The following AHI1 variants were observed in gnomAD, a reference collection of about 807,000 sequenced individuals.
The protein encoded by AHI1 is jouberin.
AHI1 carries 123 observed loss-of-function variants against 149.3 expected under a neutral mutation model. The observed-to-expected ratio is 0.82, with a 90% CI of 0.71 to 0.96. The LOEUF (loss-of-function observed/expected upper bound fraction) is 0.96. Among genes scored for constraint, AHI1 ranks in the 40% least tolerant of loss-of-function variants. The pLI, the probability that AHI1 is intolerant of heterozygous loss-of-function variation, is 0.00. For synonymous variants in AHI1, 475 were observed against 459.8 expected (o/e 1.03, Z -0.42); for missense variants, 1,439 against 1,422.7 (o/e 1.01, Z -0.18).
Position 135,447,027 on chromosome 6 carries a change from C to T in AHI1, c.1760G>A (p.Trp587Ter). 1 of 1,610,182 alleles carries T rather than the reference C, an allele frequency of 6.2e-7. No homozygotes were observed. The highest frequency in any genetic ancestry group is 8.5e-7 in the Non-Finnish European group (1 of 1,178,354). Residue 587 changes from tryptophan to a stop codon, truncating the protein, a stop_gained, in exon 13 of 29, where the codon TGG (tryptophan) becomes TAG (stop). Coordinates refer to ENST00000265602, the MANE Select transcript of AHI1 (RefSeq NM_001134831.2). LOFTEE classifies it high-confidence loss of function. ...CTTCACCTGCCCAGGGAGTCGTTTC[C>T]ACTTTATTACTTCCTTTGACTCTTC... ...GLEESKEVIK[W>*]KRLPGQACRI... is the part of the protein sequence containing the mutation.
chr6:135,394,927 G>A, intron 22 of AHI1, 31 bp from the exon 23 acceptor site: 1 of 1,571,716 alleles, frequency 6.4e-7, no homozygotes, highest in Non-Finnish European at 8.6e-7. Flanking sequence ...AGAAACTACA[G>A]TGTAATTTCC....
At chr6:135,352,563 G>T (rs1045368094) in intron 24 of AHI1, among the ~76,000 whole-genome samples, 1 of 151,820 alleles carries the variant, frequency 6.6e-6, no homozygotes, top group Non-Finnish European at 1.5e-5. Flanking sequence ...CCTATATTTG[G>T]GCACAAACTG....
At chr6:135,420,738 A>G (rs563741135) in intron 20 of AHI1, among the ~76,000 whole-genome samples, 4 of 152,262 alleles carry the variant, frequency 2.6e-5, no homozygotes, top group African/African-American at 9.6e-5. Flanking sequence ...TTCATCTTTT[A>G]TCCAGATCAC....
At chr6:135,406,325 A>T (rs1780791867) in intron 21 of AHI1, among the ~76,000 whole-genome samples, 2 of 152,224 alleles carry the variant, frequency 1.3e-5, no homozygotes, top group African/African-American at 4.8e-5. Context: ...TCTAAAGCGT[A>T]TCAGTAATTC....
chr6:135,337,596 C>T (rs916057330), intron 24 of AHI1, among the ~76,000 whole-genome samples: 2 of 151,400 alleles, frequency 1.3e-5, no homozygotes, highest in Non-Finnish European at 2.9e-5. Flanking sequence ...CCTATCTCTA[C>T]AAAAAAATTA....
chr6:135,402,299 C>A (rs189980539), intron 22 of AHI1, among the ~76,000 whole-genome samples: 2 of 152,076 alleles, frequency 1.3e-5, no homozygotes, highest in Admixed American at 1.3e-4. Flanking sequence ...CCATATTACC[C>A]AACAGTTCCA....
chr6:135,309,167 A>C (rs1314131266), intron 26 of AHI1, among the ~76,000 whole-genome samples: 2 of 152,114 alleles, frequency 1.3e-5, no homozygotes, highest in African/African-American at 4.8e-5. Context: ...TAATTTCTTG[A>C]GGCTTTGAGA....
intron 25 of AHI1, among the ~76,000 whole-genome samples, chr6:135,322,444 C>T (rs1275992941): frequency 1.3e-5 from 2 of 151,778 alleles, no homozygotes; most frequent in Non-Finnish European, 2.9e-5. Flanking sequence ...CTACAGCTTT[C>T]AGAAACTCAT....
In AHI1 at chr6:135,411,514, C is replaced by T. The variant is rs1301526139; in HGVS notation, c.2795G>A (p.Arg932His). The change falls in exon 21 of 29, where the codon CGC (arginine) becomes CAC (histidine). Residue 932 changes from arginine to histidine, a missense_variant. Arg to His is a conservative substitution (Grantham distance 29). Coordinates refer to ENST00000265602, the MANE Select transcript of AHI1 (RefSeq NM_001134831.2). The part of the protein sequence containing the change: ...VAQQEAEMFK[R>H]YNGTFPLPGI... ...AGGTAATGGAAATGTTCCATTGTAGCGTTTGAACATTTCAGCCTCCTGCTG... is the reference window on the plus strand; with the variant it reads ...AGGTAATGGAAATGTTCCATTGTAGTGTTTGAACATTTCAGCCTCCTGCTG... 6.3e-6 allele frequency: 10 copies of T among 1,593,238 alleles called. No individual in the cohort carries two copies. Among genetic ancestry groups the T allele is most frequent in the Admixed American group, 1.7e-5 (1 of 57,916 alleles).
At chr6:135,427,120 G>T in intron 20 of AHI1, 47 bp downstream of exon 20, 1 of 1,561,442 alleles carries the variant, frequency 6.4e-7, no homozygotes, top group Non-Finnish European at 8.8e-7. Flanking sequence ...TAGTCTAAAT[G>T]TAAAGGTTAC....
chr6:135,340,669 A>ATATATG (rs1466440680), intron 24 of AHI1, among the ~76,000 whole-genome samples: 44 of 119,180 alleles, frequency 3.7e-4, no homozygotes, highest in East Asian at 1.1e-3. Flanking sequence ...ATATATATAT[A>ATATATG]TATATATATA....
chr6:135,363,882 C>T (rs1314038501), intron 23 of AHI1, among the ~76,000 whole-genome samples: 58 of 147,798 alleles, frequency 3.9e-4, no homozygotes, highest in African/African-American at 1.4e-3. Flanking sequence ...GGCGGCTGGC[C>T]GGACGGGGGG....
chr6:135,376,881 C>CAAAAAAAAAAAAAAA (rs1167083326), intron 23 of AHI1, among the ~76,000 whole-genome samples: 6 of 29,440 alleles, frequency 2.0e-4, no homozygotes, highest in African/African-American at 8.0e-4. Context: ...GACTCCATCT[C>CAAAAAAAAAAAAAAA]AAAAAAAAAA....
intron 23 of AHI1, among the ~76,000 whole-genome samples, chr6:135,392,297 C>T (rs1057064787): frequency 2.0e-5 from 3 of 152,106 alleles, no homozygotes; most frequent in African/African-American, 4.8e-5. Context: ...GTGAGGAATA[C>T]AAATCAAAGA....
intron 14 of AHI1, among the ~76,000 whole-genome samples, chr6:135,440,310 G>A (rs1026430803): frequency 1.3e-4 from 20 of 152,004 alleles, no homozygotes; most frequent in Non-Finnish European, 2.8e-4. Flanking sequence ...AACAACCCGT[G>A]GCATCATTTA....
intron 15 of AHI1, among the ~76,000 whole-genome samples, chr6:135,436,813 G>A (rs1306641767): frequency 1.3e-5 from 2 of 152,232 alleles, no homozygotes; most frequent in South Asian, 2.1e-4. Flanking sequence ...TGTTGGCCAG[G>A]CTGATCTCGA....
chr6:135,352,635 G>A (rs1395443173), intron 24 of AHI1, among the ~76,000 whole-genome samples: 1 of 150,604 alleles, frequency 6.6e-6, no homozygotes, highest in African/African-American at 2.4e-5. Context: ...TCATATATTA[G>A]GATTTAGCTG....
intron 27 of AHI1, among the ~76,000 whole-genome samples, chr6:135,296,366 G>A (rs1783093878): frequency 6.6e-6 from 1 of 152,040 alleles, no homozygotes; most frequent in Non-Finnish European, 1.5e-5. Flanking sequence ...AATGTCAGAG[G>A]GATTCTGTTA....
intron 5 of AHI1, among the ~76,000 whole-genome samples, chr6:135,477,055 T>G (rs1165103039): frequency 6.6e-6 from 1 of 151,940 alleles, no homozygotes; most frequent in Non-Finnish European, 1.5e-5. Context: ...TTTTCTTTTT[T>G]TTTGAGACAG....
Sources: allele counts gnomAD v4.1 joint callset (sites outside exome capture counted in the v4.1 genomes callset), GRCh38; gene constraint gnomAD v4.1.1; transcripts MANE v1.5; gene names NCBI Gene and HGNC (gene_info 2026-07-23, HGNC 2026-07-21).